The following DOCK2 variants were observed in gnomAD, a reference collection of about 807,000 sequenced individuals.
DOCK2 encodes dedicator of cytokinesis protein 2.
Under a neutral mutation model 248.9 loss-of-function variants are expected in DOCK2, and 87 were observed. The ratio of observed to expected loss-of-function variants is 0.35; its 90% CI spans 0.29 to 0.42. The LOEUF is 0.42. Among genes scored for constraint, DOCK2 ranks in the 10% least tolerant of loss-of-function variants. The pLI, the probability that DOCK2 is intolerant of heterozygous loss-of-function variation, is 1.00. For synonymous variants in DOCK2, 805 were observed against 821.6 expected (o/e 0.98, Z 0.35); for missense variants, 1,747 against 2,300.2 (o/e 0.76, Z 4.92).
intron 33 of DOCK2, among the ~76,000 whole-genome samples, chr5:170,022,072 A>G (rs952950057): frequency 6.6e-6 from 1 of 152,266 alleles, no homozygotes; most frequent in Non-Finnish European, 1.5e-5. Flanking sequence ...CTTTGCTCCC[A>G]GGTCATACCA....
rs542130111 is a variant in DOCK2, at chr5:169,681,919, C to G, written c.606+40C>G. 7.5e-6 allele frequency: 12 copies of G among 1,605,100 alleles called. No homozygotes were observed. In the Admixed American group the frequency reaches 1.9e-4, roughly 25 times the overall value. On this transcript the variant is annotated intron_variant, in intron 7 of 51. Transcript: ENST00000520908. ...ATAGGCTTTGGCCAAGTGATACAAT[C>G]ATTTAGCACATCATAAACTTAAAAT...
At chr5:169,939,270 CTAGGTCTACACAGGGTCA>C (rs1313826070) in intron 27 of DOCK2, among the ~76,000 whole-genome samples, 1 of 151,438 alleles carries the variant, frequency 6.6e-6, no homozygotes, top group Non-Finnish European at 1.5e-5. Flanking sequence ...ACACAGGAGC[CTAGGTCTACACAGGGTCA>C]GGACCCTCCC....
intron 26 of DOCK2, among the ~76,000 whole-genome samples, chr5:169,836,692 A>G (rs946722257): frequency 4.8e-5 from 7 of 146,230 alleles, no homozygotes; most frequent in Middle Eastern, 3.4e-3. Context: ...TTCTAAGTAG[A>G]TACTGTTTGC....
intron 26 of DOCK2, among the ~76,000 whole-genome samples, chr5:169,804,529 A>G (rs1419942804): frequency 6.6e-6 from 1 of 151,310 alleles, no homozygotes; most frequent in Non-Finnish European, 1.5e-5. Flanking sequence ...GGAAGCCTAC[A>G]CAAAGGAGGT....
In DOCK2 at chr5:169,674,312, C is replaced by A. The variant is rs1455670567; in HGVS notation, c.337C>A (p.Arg113Ser). 3.1e-6 allele frequency: 5 copies of A among 1,613,916 alleles called. No homozygotes were observed. Among genetic ancestry groups the A allele is most frequent in the Non-Finnish European group, 4.2e-6 (5 of 1,179,940 alleles). Residue 113 changes from arginine to serine, a missense_variant, in exon 6 of 52, where the codon CGT becomes AGT. By Grantham distance (110) the Arg-to-Ser change is moderately radical. Coordinates refer to ENST00000520908, the MANE Select transcript of DOCK2 (RefSeq NM_004946.3). ...KQLYVASKKE[R>S]FLQVQSMMYD... ...TGTCTCCTAGGCCAGCAAAAAGGAG[C>A]GTTTTCTCCAGGTGCAGTCCATGAT... is the stretch of plus-strand genomic sequence containing the variant.
chr5:170,053,769 A>G (rs867284865), intron 41 of DOCK2, among the ~76,000 whole-genome samples: 1 of 152,274 alleles, frequency 6.6e-6, no homozygotes. Flanking sequence ...AAGTAAATCA[A>G]TGAAACACCT....
intron 29 of DOCK2, among the ~76,000 whole-genome samples, chr5:169,991,022 T>C (rs563655812): frequency 8.5e-5 from 13 of 152,362 alleles, no homozygotes; most frequent in African/African-American, 2.9e-4. Context: ...GTACTGCAGC[T>C]CATTTAGTCT....
intron 27 of DOCK2, among the ~76,000 whole-genome samples, chr5:169,970,106 G>A (rs1016815920): frequency 6.6e-6 from 1 of 152,176 alleles, no homozygotes; most frequent in Non-Finnish European, 1.5e-5. Context: ...CCCCTTAAAG[G>A]CATGTTCAGA....
chr5:169,677,087 C>A (rs1429349606), intron 6 of DOCK2, among the ~76,000 whole-genome samples: 1 of 152,080 alleles, frequency 6.6e-6, no homozygotes, highest in Non-Finnish European at 1.5e-5. Context: ...GCTGAGAAAC[C>A]AACACAGGTG....
At chr5:170,080,108 C>T (rs892061814) in intron 49 of DOCK2, 55 bp from the exon 50 acceptor site, 2 of 1,602,328 alleles carry the variant, frequency 1.2e-6, no homozygotes, top group Non-Finnish European at 1.7e-6. Flanking sequence ...AGATCTGCCT[C>T]ATGCTAAGCC....
intron 44 of DOCK2, among the ~76,000 whole-genome samples, chr5:170,066,508 A>G (rs1757499801): frequency 6.6e-6 from 1 of 152,204 alleles, no homozygotes; most frequent in Admixed American, 6.5e-5. Context: ...AAACAATAAG[A>G]AAACATTGAA....
intron 30 of DOCK2, among the ~76,000 whole-genome samples, chr5:169,999,291 C>T (rs948080524): frequency 8.5e-5 from 13 of 152,054 alleles, no homozygotes; most frequent in African/African-American, 2.9e-4. Flanking sequence ...GCCTCAGTTT[C>T]CTCAACATTA....
intron 26 of DOCK2, among the ~76,000 whole-genome samples, chr5:169,823,877 G>A (rs1768657203): frequency 6.6e-6 from 1 of 152,134 alleles, no homozygotes; most frequent in African/African-American, 2.4e-5. Flanking sequence ...AAACCCCATT[G>A]TCTCAGCCCA....
chr5:169,918,175 A>G (rs1236643601), intron 27 of DOCK2, among the ~76,000 whole-genome samples: 2 of 152,342 alleles, frequency 1.3e-5, no homozygotes, highest in East Asian at 3.9e-4. Flanking sequence ...AAATTTTAAA[A>G]ATACAGAAAC....
intron 47 of DOCK2, 134 bp downstream of exon 47, chr5:170,076,218 G>T (rs1757834336): frequency 7.5e-6 from 10 of 1,328,652 alleles, no homozygotes; most frequent in East Asian, 2.5e-5. Flanking sequence ...GGCCAGCATT[G>T]CTGGATCCCA....
chr5:169,841,974 G>A (rs1770005378), intron 27 of DOCK2, among the ~76,000 whole-genome samples: 1 of 152,080 alleles, frequency 6.6e-6, no homozygotes. Context: ...GCCAGGCAGG[G>A]ACTCTAATGT....
At chr5:169,869,671 A>T (rs990181096) in intron 27 of DOCK2, among the ~76,000 whole-genome samples, 4 of 152,212 alleles carry the variant, frequency 2.6e-5, no homozygotes, top group African/African-American at 9.7e-5. Flanking sequence ...CATGCTTAGC[A>T]ACCCCTTGCA....
At chr5:169,698,488 C>T (rs1760765910) in intron 11 of DOCK2, 39 bp downstream of exon 11, 2 of 1,605,640 alleles carry the variant, frequency 1.2e-6, no homozygotes, top group African/African-American at 1.3e-5. Flanking sequence ...TCTTCAACCA[C>T]ACCCTTTGTC....
At chr5:169,812,806 C>T (rs1388595167) in intron 26 of DOCK2, among the ~76,000 whole-genome samples, 12 of 152,220 alleles carry the variant, frequency 7.9e-5, no homozygotes, top group South Asian at 4.1e-4. Flanking sequence ...AAGGACAGTA[C>T]AGGGTAAAGT....
Sources: gnomAD v4.1 joint callset for allele counts (sites outside exome capture counted in the v4.1 genomes callset) on GRCh38, gnomAD v4.1.1 for gene constraint, MANE v1.5 for transcripts, NCBI Gene and HGNC (gene_info 2026-07-23, HGNC 2026-07-21) for gene names.